The following FSIP1 variants were observed in gnomAD, a reference collection of about 807,000 sequenced individuals.
FSIP1 encodes the protein fibrous sheath interacting protein 1, also known as fibrous sheath-interacting protein 1.
FSIP1 carries 65 observed loss-of-function variants against 60.9 expected under a neutral mutation model. The ratio of observed to expected loss-of-function variants is 1.07; its 90% CI spans 0.87 to 1.31. The LOEUF (loss-of-function observed/expected upper bound fraction) is 1.31. Among genes scored for constraint, FSIP1 ranks in the 40% most tolerant of loss-of-function variants. FSIP1 has a pLI of 0.00. For missense variants in FSIP1, 675 were observed against 665.5 expected (o/e 1.01, Z -0.16); for synonymous variants, 209 against 221.2 (o/e 0.94, Z 0.49).
At chr15:39,715,306 A>G (rs1162710450) in intron 9 of FSIP1, among the ~76,000 whole-genome samples, 1 of 152,056 alleles carries the variant, frequency 6.6e-6, no homozygotes, top group Non-Finnish European at 1.5e-5. Flanking sequence ...GCATATTTCC[A>G]TAATATTCCC....
chr15:39,657,985 A>G (rs1893138011), intron 10 of FSIP1, among the ~76,000 whole-genome samples: 1 of 152,222 alleles, frequency 6.6e-6, no homozygotes, highest in African/African-American at 2.4e-5. Context: ...TGGATGGCCA[A>G]TACAAAAACG....
chr15:39,638,672 TAAC>T (rs1268912710), intron 10 of FSIP1, among the ~76,000 whole-genome samples: 1 of 152,128 alleles, frequency 6.6e-6, no homozygotes, highest in Non-Finnish European at 1.5e-5. Context: ...ACAAATAACT[TAAC>T]AAAATGTGCT....
At chr15:39,739,068 C>T (rs1396703519) in intron 7 of FSIP1, among the ~76,000 whole-genome samples, 2 of 152,220 alleles carry the variant, frequency 1.3e-5, no homozygotes, top group African/African-American at 4.8e-5. Flanking sequence ...TCTGGTCTAA[C>T]CCAGGAACCC....
chr15:39,696,396 AATTT>A (rs1433282664), intron 10 of FSIP1, among the ~76,000 whole-genome samples: 1 of 152,194 alleles, frequency 6.6e-6, no homozygotes, highest in Non-Finnish European at 1.5e-5. Flanking sequence ...AACATGTCCA[AATTT>A]ACTAGGAACC....
At position 39,617,911 on chromosome 15, in the gene FSIP1, T is replaced by A; in HGVS notation, c.1523A>T (p.Gln508Leu). The change falls in exon 11 of 12, where the codon CAA (glutamine) becomes CTA (leucine). Residue 508 changes from glutamine to leucine, a missense_variant. Transcript: ENST00000350221. ...VTEAENMKCL[Q>L]FSKDVIISDT... ...ACTAATAATAACGTCCTTGGAAAAT[T>A]GAAGGCATTTCATATTCTCTGCTTC... 4 of 1,614,186 alleles carry A rather than the reference T, an allele frequency of 2.5e-6. No individual in the cohort carries two copies. The highest frequency in any genetic ancestry group is 3.4e-6 in the Non-Finnish European group (4 of 1,180,022).
intron 10 of FSIP1, among the ~76,000 whole-genome samples, chr15:39,688,494 C>T (rs1258414516): frequency 2.0e-5 from 3 of 152,094 alleles, no homozygotes; most frequent in Admixed American, 6.5e-5. Flanking sequence ...TATAGGTATT[C>T]GAGTTAAGGT....
intron 11 of FSIP1, among the ~76,000 whole-genome samples, chr15:39,603,372 A>G (rs1011145818): frequency 6.6e-6 from 1 of 152,188 alleles, no homozygotes; most frequent in African/African-American, 2.4e-5. Context: ...TTCATCTGGG[A>G]TGGAACCAAG....
At chr15:39,698,074 T>C (rs1477948401) in intron 10 of FSIP1, among the ~76,000 whole-genome samples, 1 of 151,500 alleles carries the variant, frequency 6.6e-6, no homozygotes, top group Non-Finnish European at 1.5e-5. Flanking sequence ...CTGTCAATAG[T>C]CACTAGCCAC....
chr15:39,745,300 C>T (rs561787300), intron 5 of FSIP1, among the ~76,000 whole-genome samples: 3 of 152,050 alleles, frequency 2.0e-5, no homozygotes, highest in Non-Finnish European at 2.9e-5. Flanking sequence ...TTGGAAACTG[C>T]GACTTTAAGC....
At chr15:39,609,085 T>C (rs1316368600) in intron 11 of FSIP1, among the ~76,000 whole-genome samples, 2 of 152,072 alleles carry the variant, frequency 1.3e-5, no homozygotes, top group East Asian at 3.9e-4. Flanking sequence ...CATTATTATC[T>C]CCCGGGAAAC....
intron 10 of FSIP1, among the ~76,000 whole-genome samples, 199 bp from the exon 11 acceptor site, chr15:39,618,444 T>C (rs1296733925): frequency 6.6e-6 from 1 of 152,192 alleles, no homozygotes; most frequent in Non-Finnish European, 1.5e-5. Context: ...TTGGTGTTTC[T>C]CTGACCCCAC....
intron 8 of FSIP1, among the ~76,000 whole-genome samples, chr15:39,729,256 A>G (rs1271983391): frequency 6.6e-6 from 1 of 152,242 alleles, no homozygotes; most frequent in Non-Finnish European, 1.5e-5. Context: ...CCAAAGGAAT[A>G]TAAATCATTC....
At chr15:39,632,457 G>C (rs1891935762) in intron 10 of FSIP1, among the ~76,000 whole-genome samples, 1 of 152,122 alleles carries the variant, frequency 6.6e-6, no homozygotes, top group African/African-American at 2.4e-5. Flanking sequence ...GGGATTACAG[G>C]CGTGAGCCAC....
intron 11 of FSIP1, among the ~76,000 whole-genome samples, chr15:39,605,210 A>G (rs1253102094): frequency 6.6e-6 from 1 of 152,240 alleles, no homozygotes; most frequent in Non-Finnish European, 1.5e-5. Flanking sequence ...ACTGAAATCT[A>G]TAGTTCTCAA....
Position 39,707,196 on chromosome 15 carries a change from G to A in FSIP1, c.1188+6248C>T, listed in dbSNP as rs372093508. Reference sequence around the variant, plus strand: ...ATCTCCAGCTTTGGTGGACTGCTGAGGGCTGTCAGAGAAACCTTTCAGCCT... The same window carrying A: ...ATCTCCAGCTTTGGTGGACTGCTGAAGGCTGTCAGAGAAACCTTTCAGCCT... On this transcript the variant is annotated intron_variant, in intron 10 of 11. Coordinates refer to ENST00000350221, the MANE Select transcript of FSIP1 (RefSeq NM_152597.5). Among the ~76,000 whole-genome samples the A allele has an allele frequency of 3.3e-5, 5 of 152,180 alleles. 1 individual carries two copies. Among genetic ancestry groups the A allele is most frequent in the Admixed American group, 6.5e-5 (1 of 15,292 alleles).
chr15:39,648,389 G>A (rs1331034997), intron 10 of FSIP1, among the ~76,000 whole-genome samples: 2 of 152,050 alleles, frequency 1.3e-5, no homozygotes, highest in Admixed American at 6.6e-5. Flanking sequence ...CTTAACTTGG[G>A]TTTGATGTAG....
chr15:39,759,612 C>G (rs545786013), intron 5 of FSIP1, among the ~76,000 whole-genome samples: 1 of 152,114 alleles, frequency 6.6e-6, no homozygotes, highest in Non-Finnish European at 1.5e-5. Context: ...CAAATTACCA[C>G]AAACTTGGTG....
At position 39,706,913 on chromosome 15, in the gene FSIP1, AC is replaced by A. The variant is rs372594240; in HGVS notation, c.1188+6530del. Reference sequence around the variant, plus strand: ...ACAGACATCTTTTCAAGATACATAGACCTATCTCATTCTTTTGATAGGCAGA... The same window carrying A: ...ACAGACATCTTTTCAAGATACATAGACTATCTCATTCTTTTGATAGGCAGA... On this transcript the variant is annotated intron_variant, in intron 10 of 11. Transcript: ENST00000350221. Among the ~76,000 whole-genome samples, 32 of 152,278 alleles carry A rather than the reference AC, an allele frequency of 2.1e-4. No individual in the cohort carries two copies. The East Asian group carries it at 5.8e-3, about 28-fold the overall frequency.
rs748770210 is a variant in FSIP1 at position 39,618,077 on chromosome 15, G to A, written c.1357C>T (p.Leu453=). Residue 453 remains leucine, a synonymous_variant, in exon 11 of 12, where the codon CTA becomes TTA. Coordinates refer to ENST00000350221, the MANE Select transcript of FSIP1 (RefSeq NM_152597.5). ...QLSRSIISKL[L]NESETKVQKT... ...TGGACCTTTGTTTCTGATTCATTTA[G>A]CAATTTAGAGATGATGGACCTGGAA... 1 of 1,614,138 alleles carries A rather than the reference G, an allele frequency of 6.2e-7. No individual in the cohort carries two copies. The highest frequency in any genetic ancestry group is 8.5e-7 in the Non-Finnish European group (1 of 1,180,004).
Sources: allele counts gnomAD v4.1 joint callset (sites outside exome capture counted in the v4.1 genomes callset), GRCh38; gene constraint gnomAD v4.1.1; transcripts MANE v1.5; gene names NCBI Gene and HGNC (gene_info 2026-07-23, HGNC 2026-07-21).